Variants in LARP4B observed in about 807,000 individuals in gnomAD.
The protein encoded by LARP4B is La ribonucleoprotein 4B.
In LARP4B, 12 loss-of-function variants were observed where a neutral mutation model predicts 89.8. That is an observed-to-expected ratio of 0.13 (90% confidence interval 0.09 to 0.22). LARP4B has a LOEUF of 0.22. Ranked by LOEUF, LARP4B falls within the 10% of genes least tolerant of loss-of-function variation. LARP4B has a pLI of 1.00. For missense variants in LARP4B, 757 were observed against 947.7 expected, an observed-to-expected ratio of 0.80 and a Z score of 2.64; for synonymous variants, 367 against 363.3, an observed-to-expected ratio of 1.01 and a Z score of -0.12.
At chr10:864,325 T>C in intron 3 of LARP4B, 55 bp from the exon 4 acceptor site, 1 of 1,586,940 alleles carries the variant, frequency 6.3e-7, no homozygotes, top group South Asian at 1.1e-5. Context: ...AAATACAATT[T>C]TACTCATTAA....
chr10:854,906 C>A (rs1834227075), intron 5 of LARP4B, among the ~76,000 whole-genome samples: 1 of 152,194 alleles, frequency 6.6e-6, no homozygotes, highest in Non-Finnish European at 1.5e-5. Flanking sequence ...GAAAATCTGT[C>A]ATTTACTGTA....
chr10:868,756 G>A (rs2131864661), intron 3 of LARP4B, among the ~76,000 whole-genome samples: 1 of 152,314 alleles, frequency 6.6e-6, no homozygotes, highest in South Asian at 2.1e-4. Flanking sequence ...AATAAAAGAG[G>A]TTGATGGATC....
chr10:863,148 ACTGT>A (rs1203524178), intron 5 of LARP4B, among the ~76,000 whole-genome samples: 1 of 151,566 alleles, frequency 6.6e-6, no homozygotes, highest in East Asian at 1.9e-4. Flanking sequence ...CTTTACCCAA[ACTGT>A]CTTACTCTCA....
At chr10:887,504 C>T (rs1311340016) in intron 1 of LARP4B, among the ~76,000 whole-genome samples, 2 of 149,124 alleles carry the variant, frequency 1.3e-5, no homozygotes, top group Admixed American at 1.3e-4. Flanking sequence ...TGAGGTAAGG[C>T]GTTCGAGACC....
At chr10:925,206 G>C (rs941977344) in intron 1 of LARP4B, among the ~76,000 whole-genome samples, 1 of 152,120 alleles carries the variant, frequency 6.6e-6, no homozygotes, top group African/African-American at 2.4e-5. Context: ...ATAGAACAAT[G>C]CACTTTCCTA....
rs112583039 is a variant in LARP4B at position 814,426 on chromosome 10, C to T, written c.1929+316G>A. The T allele has an allele frequency of 8.9e-5, 37 of 413,536 alleles. No individual in the cohort carries two copies. The highest frequency in any genetic ancestry group is 1.2e-4 in the African/African-American group (6 of 48,470). 25.6% of individuals were successfully genotyped at this position (413,536 alleles called of 1,614,324 possible). A position where few individuals can be genotyped will look rare whatever the true frequency, so the allele number is the denominator to read the frequency against. On this transcript the variant is annotated intron_variant, in intron 17 of 17. Transcript: ENST00000316157. The surrounding 1 kb of genome is among the most constrained non-coding windows in gnomAD (Gnocchi z 4.4). ...GCACGCACGCAAACATACACACACG[C>T]GCGAAATGCTGAAATGATCCTAAAG...
intron 1 of LARP4B, among the ~76,000 whole-genome samples, chr10:900,768 C>T (rs368464714): frequency 2.7e-5 from 4 of 147,476 alleles, no homozygotes; most frequent in Non-Finnish European, 4.5e-5. Flanking sequence ...TACAGGTGCA[C>T]GCCACCACGC....
At chr10:981,185 A>G in the LARP4B span, among the ~76,000 whole-genome samples, 4 of 152,206 alleles carry the variant, frequency 2.6e-5, no homozygotes, top group Non-Finnish European at 5.9e-5. Flanking sequence ...CCTCATTTCT[A>G]TCTGAGACCT....
intron 11 of LARP4B, among the ~76,000 whole-genome samples, chr10:826,075 C>T (rs923577053): frequency 2.0e-5 from 3 of 152,196 alleles, no homozygotes; most frequent in Non-Finnish European, 4.4e-5. Context: ...TCAGCCAATC[C>T]TTACAACAAT....
Position 825,147 on chromosome 10 carries a change from A to G in LARP4B, c.1402T>C (p.Ser468Pro). 6.2e-7 allele frequency: 1 copy of G among 1,614,166 alleles called. No homozygotes were observed. The highest frequency in any genetic ancestry group is 8.5e-7 in the Non-Finnish European group (1 of 1,180,032). ...GQTRTRIQNP[S>P]AYAKREAGPG... ...CCAGCCTCTCTCTTGGCATATGCTG[A>G]AGGGTTTTGAATCCGTGTTCTAGTT... is the stretch of plus-strand genomic sequence containing the variant. The change falls in exon 13 of 18, where the codon TCA becomes CCA. Residue 468 changes from serine to proline, a missense_variant. Ser to Pro is a moderately conservative substitution (Grantham distance 74). This residue lies in a region of LARP4B where 387 missense variants were observed against 423.6 expected (regional missense o/e 0.91). Transcript: ENST00000316157.
the LARP4B span, among the ~76,000 whole-genome samples, chr10:937,033 A>C: frequency 6.6e-6 from 1 of 152,288 alleles, no homozygotes; most frequent in Middle Eastern, 3.4e-3. Flanking sequence ...TAATATATGA[A>C]GAAGAGATTT....
intron 5 of LARP4B, among the ~76,000 whole-genome samples, chr10:861,347 T>C (rs1181335552): frequency 6.6e-6 from 1 of 152,180 alleles, no homozygotes; most frequent in East Asian, 1.9e-4. Flanking sequence ...ATTTCCTCAA[T>C]TGTCTGTAAG....
At chr10:846,304 C>T (rs1308939045) in intron 5 of LARP4B, among the ~76,000 whole-genome samples, 1 of 152,216 alleles carries the variant, frequency 6.6e-6, no homozygotes, top group Non-Finnish European at 1.5e-5. Flanking sequence ...AGGCAGATAA[C>T]AGACAGTTAA....
the LARP4B span, among the ~76,000 whole-genome samples, chr10:959,894 C>T: frequency 6.7e-5 from 10 of 148,964 alleles, no homozygotes; most frequent in Non-Finnish European, 1.5e-4. Context: ...CGTCAATCCA[C>T]CTCCTCCTCA....
At chr10:927,034 G>A (rs1253655224) in intron 1 of LARP4B, among the ~76,000 whole-genome samples, 3 of 147,356 alleles carry the variant, frequency 2.0e-5, no homozygotes, top group Non-Finnish European at 3.0e-5. Flanking sequence ...AACGAGACTC[G>A]GTCTCAAAAA....
chr10:903,367 C>A (rs1394409857), intron 1 of LARP4B: 1 of 152,160 alleles, frequency 6.6e-6, no homozygotes, highest in Non-Finnish European at 1.5e-5. Flanking sequence ...AGCAGAACTG[C>A]CTGATTCAAT....
rs1044961764 is a variant in LARP4B at position 810,886 on chromosome 10, G to A, written c.*2040C>T. 6.7e-6 allele frequency: 1 copy of A among 149,098 alleles called. No homozygotes were observed. Among genetic ancestry groups the A allele is most frequent in the Non-Finnish European group, 1.5e-5 (1 of 67,730 alleles). The allele number at this position is 149,098 out of a possible 1,614,324, so 9.2% of individuals were successfully genotyped here. A position where few individuals can be genotyped will look rare whatever the true frequency, so the allele number is the denominator to read the frequency against. On this transcript the variant is annotated 3_prime_UTR_variant, in exon 18 of 18. Transcript: ENST00000316157. ...ACACTAGCCCTGTGGCTATTTCTCTGTATTTGAATAATGGCAACTGCTTTA... is the reference window on the plus strand; with the variant it reads ...ACACTAGCCCTGTGGCTATTTCTCTATATTTGAATAATGGCAACTGCTTTA...
chr10:933,781 G>A (rs1009318307), upstream of LARP4B, among the ~76,000 whole-genome samples: 2 of 152,020 alleles, frequency 1.3e-5, no homozygotes, highest in African/African-American at 4.8e-5. Flanking sequence ...AACATTGCTA[G>A]GGCCATTGAT....
chr10:824,968 T>C, intron 13 of LARP4B, 97 bp downstream of exon 13: 1 of 1,237,708 alleles, frequency 8.1e-7, no homozygotes, highest in South Asian at 1.8e-5. Flanking sequence ...TTAGATTTTC[T>C]GTGACATATT....
Sources: gnomAD v4.1 joint callset for allele counts (sites outside exome capture counted in the v4.1 genomes callset) on GRCh38, gnomAD v4.1.1 for gene constraint, gnomAD v4.1.1 regional missense constraint, Gnocchi (gnomAD v3.1) non-coding constraint, MANE v1.5 for transcripts, NCBI Gene and HGNC (gene_info 2026-07-23, HGNC 2026-07-21) for gene names.